NFIX: variants seen among roughly 807,000 people sequenced by gnomAD.
NFIX encodes nuclear factor 1 X-type.
In NFIX, 2 loss-of-function variants were observed where a neutral mutation model predicts 53.3. The ratio of observed to expected loss-of-function variants is 0.04; its 90% CI spans 0.02 to 0.12. The LOEUF is 0.12. NFIX is among the 10% of genes least tolerant of loss of function. NFIX has a pLI of 1.00. For missense variants in NFIX, 310 were observed against 674.5 expected, an observed-to-expected ratio of 0.46 and a Z score of 5.99; for synonymous variants, 244 against 289.0, an observed-to-expected ratio of 0.84 and a Z score of 1.58.
rs941194461 is a variant in NFIX at position 13,009,084 on chromosome 19, C to T, written c.27+13220C>T. On this transcript the variant is annotated intron_variant, in intron 1 of 10. Transcript: ENST00000592199. The surrounding 1 kb of genome is among the most constrained non-coding windows in gnomAD (Gnocchi z 4.7). ...ACACCCCGCCACCCGCAGTCTGTCG[C>T]GCAGTGACAGCCTGTCACAAGCACC... is the stretch of plus-strand genomic sequence containing the variant. Among the ~76,000 whole-genome samples the T allele has an allele frequency of 6.6e-6, 1 of 152,212 alleles. No individual in the cohort carries two copies. The highest frequency in any genetic ancestry group is 1.5e-5 in the Non-Finnish European group (1 of 68,036).
chr19:13,009,184 G>C lies in NFIX; in HGVS notation c.27+13320G>C, dbSNP rs2012192410. On this transcript the variant is annotated intron_variant, in intron 1 of 10. Transcript: ENST00000592199. The surrounding 1 kb of genome is among the most constrained non-coding windows in gnomAD (Gnocchi z 4.7). ...TGTCACACACGCACACACACACACA[G>C]CGGCACAGTCGCACACACAGCCAGC... Among the ~76,000 whole-genome samples the C allele has an allele frequency of 6.6e-6, 1 of 152,052 alleles. No homozygotes were observed.
At chr19:13,010,672 T>A (rs146586380) in intron 1 of NFIX, among the ~76,000 whole-genome samples, 4,128 of 152,308 alleles carry the variant, frequency 0.027, 67 homozygotes, top group Middle Eastern at 0.082. Flanking sequence ...AACGGGGAGC[T>A]CCAGGTGGGT....
At chr19:13,035,325 C>G (rs2014109490) in intron 2 of NFIX, among the ~76,000 whole-genome samples, 1 of 152,198 alleles carries the variant, frequency 6.6e-6, no homozygotes, top group Non-Finnish European at 1.5e-5. Flanking sequence ...CCTTTCACCT[C>G]CCCCTGGTTG....
Position 13,081,047 on chromosome 19 carries a change from C to T in NFIX, c.1079-633C>T, listed in dbSNP as rs1368116483. Among the ~76,000 whole-genome samples, 1 of 151,290 alleles carries T rather than the reference C, an allele frequency of 6.6e-6. No individual in the cohort carries two copies. The highest frequency in any genetic ancestry group is 6.6e-5 in the Admixed American group (1 of 15,178). On this transcript the variant is annotated intron_variant, in intron 7 of 10. Transcript: ENST00000592199. This position sits in a 1 kb window ranked among gnomAD's most constrained non-coding sequence, Gnocchi z 4.7. ...GGGCACAGTGGCTCATGCCTGTAAT[C>T]CCAGCACTTTGGGAGGCCAAGGCAG...
Position 13,027,762 on chromosome 19 carries a change from TC to T in NFIX, c.559+2211del, listed in dbSNP as rs1369738726. Among the ~76,000 whole-genome samples, 9 of 152,180 alleles carry T rather than the reference TC, an allele frequency of 5.9e-5. No individual in the cohort carries two copies. The highest frequency in any genetic ancestry group is 2.2e-4 in the African/African-American group (9 of 41,424). On this transcript the variant is annotated intron_variant, in intron 2 of 10. Transcript: ENST00000592199. The surrounding 1 kb of genome is among the most constrained non-coding windows in gnomAD (Gnocchi z 4.3). ...CATGCCTCCCTGCCAGCTTAAGAGA[TC>T]ATTCGCCCAGGAATATGAGTGAATT...
At chr19:13,039,113 T>C (rs751028465) in intron 2 of NFIX, among the ~76,000 whole-genome samples, 1 of 152,038 alleles carries the variant, frequency 6.6e-6, no homozygotes, top group Non-Finnish European at 1.5e-5. Flanking sequence ...CTGAGGACAA[T>C]GGCCAGATTT....
chr19:13,025,060 G>A lies in NFIX; in HGVS notation c.67G>A (p.Val23Ile). 6.2e-7 allele frequency: 1 copy of A among 1,613,760 alleles called. No homozygotes were observed. The highest frequency in any genetic ancestry group is 8.5e-7 in the Non-Finnish European group (1 of 1,179,806). ...HPFIEALLPHVRAFSYTWFNL... is the reference protein window; with the variant it reads ...HPFIEALLPHIRAFSYTWFNL... ...GTTCATCGAGGCACTGCTGCCTCAC[G>A]TCCGCGCTTTCTCCTACACCTGGTT... The change falls in exon 2 of 11, where the codon GTC becomes ATC. Residue 23 changes from valine to isoleucine, a missense_variant. By Grantham distance (29) the Val-to-Ile change is conservative. This residue lies in a region of NFIX where 64 missense variants were observed against 144.5 expected (regional missense o/e 0.44). Coordinates refer to ENST00000592199, the MANE Select transcript of NFIX (RefSeq NM_001365902.3). The surrounding 1 kb of genome is among the most constrained non-coding windows in gnomAD (Gnocchi z 7.5).
chr19:13,086,034 C>T (rs2017759820), intron 8 of NFIX, among the ~76,000 whole-genome samples: 1 of 152,190 alleles, frequency 6.6e-6, no homozygotes, highest in Non-Finnish European at 1.5e-5. Flanking sequence ...GGCTGGTCCC[C>T]ACAGAGGGGA....
At position 12,996,346 on chromosome 19, in the gene NFIX, C is replaced by T. The variant is rs1178602221; in HGVS notation, c.27+482C>T. Among the ~76,000 whole-genome samples the T allele has an allele frequency of 6.6e-6, 1 of 151,962 alleles. No individual in the cohort carries two copies. Among genetic ancestry groups the T allele is most frequent in the Non-Finnish European group, 1.5e-5 (1 of 67,970 alleles). On this transcript the variant is annotated intron_variant, in intron 1 of 10. Coordinates refer to ENST00000592199, the MANE Select transcript of NFIX (RefSeq NM_001365902.3). The surrounding 1 kb of genome is among the most constrained non-coding windows in gnomAD (Gnocchi z 5.2). The stretch of plus-strand genomic sequence containing the variant: ...GTCCCGCGACGCTTCCTGGGGAGGG[C>T]GCAGCGGTTCCCGAGGGTGGCAGTG...
At position 13,060,691 on chromosome 19, in the gene NFIX, G is replaced by C. The variant is rs965872210; in HGVS notation, c.560-12356G>C. ...TTTTGCTCTGGGGCCTGAGGATTGC[G>C]GGGCCAGGGAAGCAACCAGGCCCAG... On this transcript the variant is annotated intron_variant, in intron 2 of 10. Coordinates refer to ENST00000592199, the MANE Select transcript of NFIX (RefSeq NM_001365902.3). This position sits in a 1 kb window ranked among gnomAD's most constrained non-coding sequence, Gnocchi z 4.3. 6.6e-6 allele frequency among the ~76,000 whole-genome samples: 1 copy of C among 152,140 alleles called. No individual in the cohort carries two copies. The highest frequency in any genetic ancestry group is 1.5e-5 in the Non-Finnish European group (1 of 68,018).
chr19:13,070,086 A>G (rs2016679928), intron 2 of NFIX: 1 of 152,296 alleles, frequency 6.6e-6, no homozygotes. Context: ...AAGCTGGCCC[A>G]CGTTGTGCCT....
intron 1 of NFIX, among the ~76,000 whole-genome samples, chr19:13,015,137 T>A (rs2012586477): frequency 6.6e-6 from 1 of 152,178 alleles, no homozygotes; most frequent in Admixed American, 6.5e-5. Flanking sequence ...TTTTCCTTGT[T>A]ATTTGGTCCT....
intron 2 of NFIX, among the ~76,000 whole-genome samples, chr19:13,055,692 G>C (rs886122627): frequency 6.6e-6 from 1 of 152,188 alleles, no homozygotes; most frequent in Non-Finnish European, 1.5e-5. Flanking sequence ...AGGAAGAAGG[G>C]GGCGGGGGTC....
intron 1 of NFIX, among the ~76,000 whole-genome samples, chr19:13,003,564 C>T (rs1013718833): frequency 1.3e-5 from 2 of 152,208 alleles, no homozygotes; most frequent in African/African-American, 2.4e-5. Flanking sequence ...CGCTCTCAGA[C>T]ACACAAAACA....
Position 13,043,890 on chromosome 19 carries a change from C to T in NFIX, c.559+18338C>T, listed in dbSNP as rs150344703. Among the ~76,000 whole-genome samples the T allele has an allele frequency of 6.5e-3, 989 of 152,064 alleles. 8 individuals carry two copies. The highest frequency in any genetic ancestry group is 0.022 in the African/African-American group (931 of 41,452). On this transcript the variant is annotated intron_variant, in intron 2 of 10. Transcript: ENST00000592199. The surrounding 1 kb of genome is among the most constrained non-coding windows in gnomAD (Gnocchi z 4.0). Reference sequence around the variant, plus strand: ...CTGTAATTCTAGCACTTTGGGAGGCCGATGTGGGAGGATCATTTGAGCCCA... The same window carrying T: ...CTGTAATTCTAGCACTTTGGGAGGCTGATGTGGGAGGATCATTTGAGCCCA...
In NFIX at chr19:13,027,199, C is replaced by G. The variant is rs7507306; in HGVS notation, c.559+1647C>G. ...TCACCCCCCAAGTCTCTACCTACTTCTGTGGATCTTTCTAGGCCTGCATCC... is the reference window on the plus strand; with the variant it reads ...TCACCCCCCAAGTCTCTACCTACTTGTGTGGATCTTTCTAGGCCTGCATCC... On this transcript the variant is annotated intron_variant, in intron 2 of 10. Transcript: ENST00000592199. This position sits in a 1 kb window ranked among gnomAD's most constrained non-coding sequence, Gnocchi z 4.3. Among the ~76,000 whole-genome samples, 1 of 152,336 alleles carries G rather than the reference C, an allele frequency of 6.6e-6. No individual in the cohort carries two copies.
chr19:13,078,534 G>T lies in NFIX; in HGVS notation c.956-79G>T. 6.7e-7 allele frequency: 1 copy of T among 1,501,804 alleles called. No individual in the cohort carries two copies. Among genetic ancestry groups the T allele is most frequent in the Non-Finnish European group, 9.0e-7 (1 of 1,110,170 alleles). 93.0% of individuals were successfully genotyped at this position (1,501,804 alleles called of 1,614,324 possible). ...GGGAGGGGCTGAGGAGAGAAGGAGC[G>T]AGCTGCTGGCTTCCCGCCTTCCCCG... On this transcript the variant is annotated intron_variant, in intron 6 of 10. Coordinates refer to ENST00000592199, the MANE Select transcript of NFIX (RefSeq NM_001365902.3). The surrounding 1 kb of genome is among the most constrained non-coding windows in gnomAD (Gnocchi z 4.7).
At chr19:13,024,113 C>CAAAAAAAAAAAAAAAAAAAACA in intron 1 of NFIX, 1 of 412,068 alleles carries the variant, frequency 2.4e-6, no homozygotes, top group Non-Finnish European at 4.1e-6. Flanking sequence ...AGCAAACAAC[C>CAAAAAAAAAAAAAAAAAAAACA]AAAAAAAAAA....
At position 13,036,552 on chromosome 19, in the gene NFIX, G is replaced by A. The variant is rs183699091; in HGVS notation, c.559+11000G>A. On this transcript the variant is annotated intron_variant, in intron 2 of 10. Coordinates refer to ENST00000592199, the MANE Select transcript of NFIX (RefSeq NM_001365902.3). The surrounding 1 kb of genome is among the most constrained non-coding windows in gnomAD (Gnocchi z 4.7). ...TGGACTGGGCGGAGCTGTGTGGAGC[G>A]ATCGGGAGATCCCCGGAGGCGACCT... Among the ~76,000 whole-genome samples the A allele has an allele frequency of 2.0e-5, 3 of 152,140 alleles. No homozygotes were observed. The highest frequency in any genetic ancestry group is 6.5e-5 in the Admixed American group (1 of 15,284).
Sources: allele counts gnomAD v4.1 joint callset (sites outside exome capture counted in the v4.1 genomes callset), GRCh38; gene constraint gnomAD v4.1.1; regional missense constraint gnomAD v4.1.1; non-coding constraint Gnocchi (gnomAD v3.1); transcripts MANE v1.5; gene names NCBI Gene and HGNC (gene_info 2026-07-23, HGNC 2026-07-21).